Variants in VPS35L observed in about 807,000 individuals in gnomAD.
The protein encoded by VPS35L is VPS35 endosomal protein-sorting factor-like.
A neutral mutation model predicts 133.0 loss-of-function variants in VPS35L; 83 were observed. The ratio of observed to expected loss-of-function variants is 0.62; its 90% CI spans 0.52 to 0.75. The LOEUF (loss-of-function observed/expected upper bound fraction) is 0.75. Ranked by LOEUF, VPS35L falls within the 30% of genes least tolerant of loss-of-function variation. The pLI is 0.00. For synonymous variants in VPS35L, 423 were observed against 449.9 expected (o/e 0.94, Z 0.76); for missense variants, 1,083 against 1,206.8 (o/e 0.90, Z 1.52).
At chr16:19,566,477 CAG>C (rs1971194091) in intron 2 of VPS35L, among the ~76,000 whole-genome samples, 2 of 152,114 alleles carry the variant, frequency 1.3e-5, no homozygotes, top group Non-Finnish European at 1.5e-5. Context: ...TCCTGGGCAA[CAG>C]AGAGAAACTC....
At chr16:19,659,266 T>C (rs1974404818) in intron 26 of VPS35L, among the ~76,000 whole-genome samples, 1 of 152,148 alleles carries the variant, frequency 6.6e-6, no homozygotes, top group South Asian at 2.1e-4. Context: ...TCCTGTAGTA[T>C]CTCCGAGGTA....
chr16:19,555,948 T>A (rs918162737), intron 1 of VPS35L, among the ~76,000 whole-genome samples: 1 of 152,120 alleles, frequency 6.6e-6, no homozygotes, highest in Non-Finnish European at 1.5e-5. Context: ...GGTTCTTGGT[T>A]CTCTCCCCGT....
chr16:19,584,220 A>T (rs927140946), intron 7 of VPS35L, among the ~76,000 whole-genome samples: 1 of 152,162 alleles, frequency 6.6e-6, no homozygotes, highest in African/African-American at 2.4e-5. Flanking sequence ...ATGATAACCT[A>T]GTTGTGGGAT....
intron 29 of VPS35L, among the ~76,000 whole-genome samples, chr16:19,692,523 A>G (rs975219632): frequency 1.3e-5 from 2 of 152,216 alleles, no homozygotes; most frequent in South Asian, 2.1e-4. Flanking sequence ...GCACTGCTAC[A>G]TTGCCCTCCT....
intron 7 of VPS35L, among the ~76,000 whole-genome samples, chr16:19,586,382 C>G (rs1441591752): frequency 6.6e-6 from 1 of 152,082 alleles, no homozygotes; most frequent in Non-Finnish European, 1.5e-5. Context: ...TCTCGTTGCC[C>G]AGGCTGGAGT....
chr16:19,668,497 C>T (rs530936217), intron 26 of VPS35L, among the ~76,000 whole-genome samples: 1 of 152,034 alleles, frequency 6.6e-6, no homozygotes, highest in Non-Finnish European at 1.5e-5. Flanking sequence ...CCTTTGAAGT[C>T]TTCTTGTTTT....
intron 30 of VPS35L, 135 bp from the exon 31 acceptor site, chr16:19,700,243 C>G: frequency 1.3e-5 from 9 of 695,560 alleles, no homozygotes; most frequent in Non-Finnish European, 1.9e-5. Context: ...TTGATTTCTT[C>G]CCTCCTCTCA....
chr16:19,564,705 T>G, intron 1 of VPS35L, 146 bp from the exon 2 acceptor site: 1 of 602,636 alleles, frequency 1.7e-6, no homozygotes, highest in Non-Finnish European at 2.9e-6. Flanking sequence ...GGCCAAAAAG[T>G]TTGTTTTTAA....
chr16:19,627,628 AT>A, intron 15 of VPS35L, 65 bp from the exon 16 acceptor site: 1 of 1,237,210 alleles, frequency 8.1e-7, no homozygotes, highest in Non-Finnish European at 1.2e-6. Flanking sequence ...GGCAATATAT[AT>A]TCAAAAATTA....
chr16:19,678,928 C>T (rs201031150), intron 27 of VPS35L, among the ~76,000 whole-genome samples: 4 of 152,184 alleles, frequency 2.6e-5, no homozygotes, highest in Admixed American at 2.6e-4. Context: ...CAAACCTTTA[C>T]GTCTCCACTG....
chr16:19,565,534 G>A (rs1488931019), intron 2 of VPS35L, among the ~76,000 whole-genome samples: 1 of 152,106 alleles, frequency 6.6e-6, no homozygotes, highest in Admixed American at 6.5e-5. Flanking sequence ...TTTATTTTTA[G>A]TAGAGACAGG....
intron 19 of VPS35L, among the ~76,000 whole-genome samples, chr16:19,636,838 G>T (rs1246286763): frequency 2.6e-5 from 4 of 152,166 alleles, no homozygotes; most frequent in African/African-American, 9.7e-5. Flanking sequence ...ACTGTGCATC[G>T]CAGAGTGAGG....
At chr16:19,575,378 C>T (rs1036354573) in intron 5 of VPS35L, among the ~76,000 whole-genome samples, 1 of 151,670 alleles carries the variant, frequency 6.6e-6, no homozygotes, top group Non-Finnish European at 1.5e-5. Flanking sequence ...CCAGCCTGGC[C>T]AACATGGTGA....
chr16:19,695,468 A>G (rs1419072142), intron 29 of VPS35L, among the ~76,000 whole-genome samples: 4 of 152,206 alleles, frequency 2.6e-5, no homozygotes, highest in Non-Finnish European at 4.4e-5. Flanking sequence ...TTCACGTGGC[A>G]TCAATACCAG....
intron 4 of VPS35L, 79 bp downstream of exon 4, chr16:19,573,320 G>A: frequency 6.9e-7 from 1 of 1,447,328 alleles, no homozygotes; most frequent in Admixed American, 2.1e-5. Flanking sequence ...TTCAACTCCT[G>A]GGCTCTGTAA....
intron 2 of VPS35L, among the ~76,000 whole-genome samples, chr16:19,567,044 G>T (rs532963495): frequency 6.6e-6 from 1 of 152,142 alleles, no homozygotes; most frequent in Admixed American, 6.5e-5. Flanking sequence ...GAGCCACTGT[G>T]CCCGGCCCAG....
chr16:19,677,032 CAA>C (rs1239765674), intron 27 of VPS35L, among the ~76,000 whole-genome samples: 1 of 151,632 alleles, frequency 6.6e-6, no homozygotes, highest in Non-Finnish European at 1.5e-5. Flanking sequence ...GGCAACATAG[CAA>C]GACCTCATCT....
chr16:19,662,278 G>A (rs1974510640), intron 26 of VPS35L, among the ~76,000 whole-genome samples: 1 of 152,066 alleles, frequency 6.6e-6, no homozygotes, highest in Admixed American at 6.6e-5. Flanking sequence ...GCAGAGGCAG[G>A]CAGATCACCT....
At chr16:19,622,744 G>A (rs967170770) in intron 14 of VPS35L, among the ~76,000 whole-genome samples, 3 of 152,100 alleles carry the variant, frequency 2.0e-5, no homozygotes, top group African/African-American at 7.2e-5. Flanking sequence ...TTTTCCAAAG[G>A]CCACTTTGCT....
Sources: allele counts gnomAD v4.1 joint callset (sites outside exome capture counted in the v4.1 genomes callset), GRCh38; gene constraint gnomAD v4.1.1; transcripts MANE v1.5; gene names NCBI Gene and HGNC (gene_info 2026-07-23, HGNC 2026-07-21).